KNDC1: variants seen among roughly 807,000 people sequenced by gnomAD.
The protein encoded by KNDC1 is kinase non-catalytic C-lobe domain containing 1.
In KNDC1, 106 loss-of-function variants were observed where a neutral mutation model predicts 172.8. The observed-to-expected ratio is 0.61, with a 90% CI of 0.52 to 0.72. KNDC1 has a LOEUF of 0.72. Ranked by LOEUF, KNDC1 falls within the 30% of genes least tolerant of loss-of-function variation. The pLI is 0.00. For missense variants in KNDC1, 2,325 were observed against 2,394.5 expected (o/e 0.97, Z 0.61); for synonymous variants, 1,083 against 1,062.2 (o/e 1.02, Z -0.38).
At chr10:133,217,359 G>A (rs1845487426) in intron 26 of KNDC1, among the ~76,000 whole-genome samples, 1 of 152,258 alleles carries the variant, frequency 6.6e-6, no homozygotes, top group African/African-American at 2.4e-5. Flanking sequence ...CAAGAGGGCT[G>A]GGGCCGCAGT....
chr10:133,168,448 C>T lies in KNDC1; in HGVS notation c.360+136C>T, dbSNP rs1591219711. 2.1e-5 allele frequency: 18 copies of T among 865,904 alleles called. 1 individual carries two copies. Among genetic ancestry groups the T allele is most frequent in the South Asian group, 5.8e-5 (4 of 69,534 alleles). 53.6% of individuals were successfully genotyped at this position (865,904 alleles called of 1,614,324 possible). On this transcript the variant is annotated intron_variant, in intron 3 of 29. Coordinates refer to ENST00000304613, the MANE Select transcript of KNDC1 (RefSeq NM_152643.8). ...GGCCGGGAGCGGAGCCGCTGCTGCCCGGTTCACTGGGCTATAGGGACGGCC... is the reference window on the plus strand; with the variant it reads ...GGCCGGGAGCGGAGCCGCTGCTGCCTGGTTCACTGGGCTATAGGGACGGCC...
At chr10:133,180,331 G>A (rs567345323) in intron 3 of KNDC1, among the ~76,000 whole-genome samples, 35 of 152,294 alleles carry the variant, frequency 2.3e-4, no homozygotes, top group Admixed American at 1.7e-3. Flanking sequence ...TCTGCACCTC[G>A]AGGGCCGACT....
chr10:133,222,154 G>A (rs1185636168), intron 29 of KNDC1, among the ~76,000 whole-genome samples: 3 of 149,460 alleles, frequency 2.0e-5, no homozygotes, highest in African/African-American at 5.0e-5. Context: ...GCGGTGGCGG[G>A]CGCCTGTAGT....
rs1268407131 is a variant in KNDC1, at chr10:133,186,114, G to A, written c.766G>A (p.Ala256Thr). Residue 256 changes from alanine (A) to threonine (T), a missense_variant, in exon 6 of 30, where the codon GCC (alanine) becomes ACC (threonine). Ala to Thr is a moderately conservative substitution (Grantham distance 58). Transcript: ENST00000304613. ...PESETSRGPR[A>T]SPTKALLSTP... The stretch of plus-strand genomic sequence containing the variant: ...GTCTGAGACGAGCCGGGGCCCCAGA[G>A]CCTCCCCAACCAAGGCTCTGCTGTC... The A allele has an allele frequency of 1.9e-6, 3 of 1,598,860 alleles. No individual in the cohort carries two copies. In the Admixed American group the frequency reaches 5.1e-5, roughly 27 times the overall value.
chr10:133,190,131 T>C (rs2135984673), intron 9 of KNDC1, among the ~76,000 whole-genome samples: 1 of 152,294 alleles, frequency 6.6e-6, no homozygotes, highest in African/African-American at 2.4e-5. Context: ...ATTACACAAA[T>C]TTAAATACAA....
Position 133,167,450 on chromosome 10 carries a change from G to T in KNDC1, c.172G>T (p.Val58Leu). ...RGLSEQEAWA[V>L]CLECSLSMRS... is the part of the protein sequence containing the mutation. The stretch of plus-strand genomic sequence containing the variant: ...CCTCAGCGAGCAGGAAGCCTGGGCC[G>T]TGTGCCTGGAGTGCAGCCTGTCCAT... Residue 58 changes from valine (V) to leucine (L), a missense_variant, in exon 2 of 30, where the codon GTG becomes TTG. Coordinates refer to ENST00000304613, the MANE Select transcript of KNDC1 (RefSeq NM_152643.8). 2 of 1,606,074 alleles carry T rather than the reference G, an allele frequency of 1.2e-6. No individual in the cohort carries two copies. Among genetic ancestry groups the T allele is most frequent in the Non-Finnish European group, 1.7e-6 (2 of 1,177,470 alleles).
chr10:133,198,768 T>G lies in KNDC1; in HGVS notation c.2260T>G (p.Ser754Ala). 1 of 1,587,978 alleles carries G rather than the reference T, an allele frequency of 6.3e-7. No homozygotes were observed. Residue 754 changes from serine (S) to alanine (A), a missense_variant, in exon 14 of 30, where the codon TCA becomes GCA. By Grantham distance (99) the Ser-to-Ala change is moderately conservative. Transcript: ENST00000304613. Reference protein sequence around the residue: ...EPLGASVQRDSAQGRPCPPPQ... With the variant: ...EPLGASVQRDAAQGRPCPPPQ... ...TCTTGGGGCGTCAGTGCAGCGTGAC[T>G]CAGCCCAGGGCCGCCCCTGCCCTCC...
At chr10:133,212,570 G>A (rs1203258707) in intron 23 of KNDC1, 146 bp from the exon 24 acceptor site, 3 of 665,244 alleles carry the variant, frequency 4.5e-6, no homozygotes, top group Admixed American at 2.9e-5. Flanking sequence ...GGGTGGGCAG[G>A]CTGCTCTCTG....
intron 9 of KNDC1, among the ~76,000 whole-genome samples, chr10:133,191,008 G>GA (rs919526323): frequency 7.2e-5 from 11 of 152,268 alleles, no homozygotes; most frequent in Non-Finnish European, 1.3e-4. Flanking sequence ...AGAAAACTAA[G>GA]AAAAAATGAA....
intron 29 of KNDC1, among the ~76,000 whole-genome samples, chr10:133,223,542 C>T (rs1285721201): frequency 1.1e-4 from 6 of 53,776 alleles, no homozygotes; most frequent in Admixed American, 4.3e-4. Context: ...CTCTTCCCGG[C>T]GTGTGTGTGC....
At chr10:133,191,115 G>C (rs571910485) in intron 9 of KNDC1, among the ~76,000 whole-genome samples, 1 of 152,356 alleles carries the variant, frequency 6.6e-6, no homozygotes, top group East Asian at 1.9e-4. Context: ...AAGGCGGGCA[G>C]ATCACTTGAG....
At position 133,199,133 on chromosome 10, in the gene KNDC1, T is replaced by C. The variant is rs1314655810; in HGVS notation, c.2625T>C (p.Cys875=). 6.2e-7 allele frequency: 1 copy of C among 1,603,502 alleles called. No individual in the cohort carries two copies. The highest frequency in any genetic ancestry group is 1.1e-5 in the South Asian group (1 of 89,550). The change falls in exon 14 of 30, where the codon TGT becomes TGC. Residue 875 remains cysteine (C), a synonymous_variant. Coordinates refer to ENST00000304613, the MANE Select transcript of KNDC1 (RefSeq NM_152643.8). ...ERPRPADRRL[C]LPCVDASPLP... is the part of the protein sequence containing the mutation. ...CGCGGCCCGCAGACCGGAGGCTCTG[T>C]CTGCCCTGCGTGGATGCCTCGCCAC...
chr10:133,209,925 G>C lies in KNDC1; in HGVS notation c.3795-686G>C, dbSNP rs1441683869. Reference sequence around the variant, plus strand: ...TCCCAGACCTGCAGGCGGGGCCCTGGTCAGTGTCTCCTGAGGGTGGCGCGG... The same window carrying C: ...TCCCAGACCTGCAGGCGGGGCCCTGCTCAGTGTCTCCTGAGGGTGGCGCGG... On this transcript the variant is annotated intron_variant, in intron 20 of 29. Transcript: ENST00000304613. The surrounding 1 kb of genome is among the most constrained non-coding windows in gnomAD (Gnocchi z 4.9). Among the ~76,000 whole-genome samples the C allele has an allele frequency of 6.6e-6, 1 of 152,118 alleles. No homozygotes were observed. Among genetic ancestry groups the C allele is most frequent in the East Asian group, 1.9e-4 (1 of 5,178 alleles).
At chr10:133,175,670 ATGGGTAGG>A (rs1172808828) in intron 3 of KNDC1, among the ~76,000 whole-genome samples, 1 of 141,312 alleles carries the variant, frequency 7.1e-6, no homozygotes, top group Non-Finnish European at 1.5e-5. Flanking sequence ...TGGGTGGAGG[ATGGGTAGG>A]TGGGTGGATG....
chr10:133,214,389 C>T (rs1047595365), intron 26 of KNDC1, among the ~76,000 whole-genome samples: 1 of 152,246 alleles, frequency 6.6e-6, no homozygotes, highest in Non-Finnish European at 1.5e-5. Flanking sequence ...ACGGCCACTT[C>T]CACAGCCACG....
At position 133,224,071 on chromosome 10, in the gene KNDC1, G is replaced by A. The variant is rs12784431; in HGVS notation, c.5019-588G>A. ...CATCCAGGCTTGGCCTTTCTTTGCC[G>A]TAATGGACGCCCCTTTCTTTGTCCC... On this transcript the variant is annotated intron_variant, in intron 29 of 29. Coordinates refer to ENST00000304613, the MANE Select transcript of KNDC1 (RefSeq NM_152643.8). The surrounding 1 kb of genome is among the most constrained non-coding windows in gnomAD (Gnocchi z 5.4). Among the ~76,000 whole-genome samples the A allele has an allele frequency of 0.34, 51,109 of 151,890 alleles. 9,780 individuals carry two copies. The highest frequency in any genetic ancestry group is 0.48 in the Middle Eastern group (141 of 294).
At chr10:133,217,749 G>A (rs1048338778) in intron 26 of KNDC1, among the ~76,000 whole-genome samples, 2 of 151,972 alleles carry the variant, frequency 1.3e-5, no homozygotes, top group African/African-American at 4.8e-5. Flanking sequence ...ATGAGGTCAG[G>A]AGTTCGAGAC....
chr10:133,211,628 C>T (rs41283311), intron 22 of KNDC1, 51 bp from the exon 23 acceptor site: 86,452 of 1,595,856 alleles, frequency 0.054, 2,661 homozygotes, highest in South Asian at 0.073. Context: ...GGAGGTGCCG[C>T]CCTCCTCCAG....
rs1589760597 is a variant in KNDC1, at chr10:133,199,238, G to C, written c.2730G>C (p.Leu910=). The change falls in exon 14 of 30, where the codon CTG becomes CTC. Residue 910 remains leucine, a synonymous_variant. Coordinates refer to ENST00000304613, the MANE Select transcript of KNDC1 (RefSeq NM_152643.8). ...IQEEFAFDGY[L]DNGLEALIMG... is the part of the protein sequence containing the mutation. The stretch of plus-strand genomic sequence containing the variant: ...AGGAATTTGCCTTCGATGGCTACCT[G>C]GACAATGGGCTGGAGGCTCTGATCA... 1.9e-6 allele frequency: 3 copies of C among 1,568,126 alleles called. No homozygotes were observed. Among genetic ancestry groups the C allele is most frequent in the Non-Finnish European group, 8.7e-7 (1 of 1,155,540 alleles).
Sources: allele counts gnomAD v4.1 joint callset (sites outside exome capture counted in the v4.1 genomes callset), GRCh38; gene constraint gnomAD v4.1.1; non-coding constraint Gnocchi (gnomAD v3.1); transcripts MANE v1.5; gene names NCBI Gene and HGNC (gene_info 2026-07-23, HGNC 2026-07-21).